SOD2: variants seen among roughly 807,000 people sequenced by gnomAD.
SOD2 encodes the protein superoxide dismutase 2.
Under a neutral mutation model 27.0 loss-of-function variants are expected in SOD2, and 11 were observed. That is an observed-to-expected ratio of 0.41 (90% CI 0.26 to 0.67). The LOEUF is 0.67. Ranked by LOEUF, SOD2 falls within the 30% of genes least tolerant of loss-of-function variation. The probability of loss-of-function intolerance (pLI) is 0.34; values close to 1 mark genes in which losing one functional copy is unlikely to be tolerated. For synonymous variants in SOD2, 105 were observed against 103.0 expected (o/e 1.02, Z -0.12); for missense variants, 250 against 274.5 (o/e 0.91, Z 0.63).
At chr6:159,702,393 T>C (rs9295109) in intron 1 of SOD2, among the ~76,000 whole-genome samples, 47,866 of 150,772 alleles carry the variant, frequency 0.32, 7,570 homozygotes, top group East Asian at 0.4. Flanking sequence ...GCCTCCCAGG[T>C]TGAAGTGATT....
upstream of SOD2, among the ~76,000 whole-genome samples, chr6:159,697,077 A>ACACC (rs974599812): frequency 1.3e-5 from 2 of 149,528 alleles, no homozygotes; most frequent in African/African-American, 5.0e-5. Context: ...ACACACACAC[A>ACACC]CACGCAGTCA....
intron 3 of SOD2, among the ~76,000 whole-genome samples, chr6:159,687,433 C>T (rs548143053): frequency 3.3e-5 from 5 of 151,734 alleles, no homozygotes; most frequent in East Asian, 1.9e-4. Flanking sequence ...TGCAATGAGC[C>T]GACATTGCAC....
intron 1 of SOD2, among the ~76,000 whole-genome samples, chr6:159,723,548 T>C (rs1283767279): frequency 1.3e-5 from 2 of 152,144 alleles, no homozygotes; most frequent in Non-Finnish European, 2.9e-5. Context: ...TAGTGGGAAA[T>C]GGAATTTAGA....
chr6:159,762,226 G>C, exon 1 of SOD2: 11 of 1,479,874 alleles, frequency 7.4e-6, no homozygotes, highest in Non-Finnish European at 9.1e-6. Context: ...GTGTAGGAGA[G>C]GGGCGTATGT....
At chr6:159,683,864 G>A (rs1369731929) in intron 4 of SOD2, among the ~76,000 whole-genome samples, 5 of 152,198 alleles carry the variant, frequency 3.3e-5, no homozygotes, top group Admixed American at 3.3e-4. Context: ...GGTCTATCCT[G>A]TGAAGTGAGC....
upstream of SOD2, among the ~76,000 whole-genome samples, chr6:159,729,286 T>C (rs1218129898): frequency 1.3e-5 from 2 of 152,244 alleles, no homozygotes; most frequent in Non-Finnish European, 2.9e-5. Flanking sequence ...AGACTGAAGA[T>C]AGTATTTTGG....
rs1190220145 is a variant in SOD2, at chr6:159,671,687, C to T, written c.*10806G>A. 5 of 152,204 alleles carry T rather than the reference C, an allele frequency of 3.3e-5. No homozygotes were observed. The highest frequency in any genetic ancestry group is 6.5e-5 in the Admixed American group (1 of 15,278). 9.4% of individuals were successfully genotyped at this position (152,204 alleles called of 1,614,324 possible). ...GAAAATTCTAAAAATCAGAGCGCCTCTCCCCCTCCAAAGGAACATAGCTCC... is the reference window on the plus strand; with the variant it reads ...GAAAATTCTAAAAATCAGAGCGCCTTTCCCCCTCCAAAGGAACATAGCTCC... On this transcript the variant is annotated 3_prime_UTR_variant, in exon 5 of 5. Transcript: ENST00000538183.
intron 1 of SOD2, among the ~76,000 whole-genome samples, chr6:159,704,829 C>T (rs1454419265): frequency 2.0e-5 from 3 of 152,204 alleles, no homozygotes; most frequent in South Asian, 2.1e-4. Flanking sequence ...ACCACGTCCT[C>T]GAGTGGGTCC....
At chr6:159,729,784 C>T (rs149108088), upstream of SOD2, among the ~76,000 whole-genome samples, 41 of 152,294 alleles carry the variant, frequency 2.7e-4, no homozygotes, top group East Asian at 7.5e-3. Flanking sequence ...TGGTGTCTTA[C>T]ATTCAGCTAT....
At chr6:159,748,672 T>A (rs566921107), upstream of SOD2, 1 of 1,247,266 alleles carries the variant, frequency 8.0e-7, no homozygotes, top group African/African-American at 1.5e-5. The surrounding 1 kb of genome is among the most constrained non-coding windows in gnomAD (Gnocchi z 5.6). Context: ...ACTTGAGAAA[T>A]GTTTCTGTTT....
exon 1 of SOD2, chr6:159,761,481 G>A (rs1048788779): frequency 1.1e-5 from 5 of 454,652 alleles, no homozygotes; most frequent in Admixed American, 4.8e-5. Context: ...GACGCTCCTA[G>A]CAAGCCCCTC....
Position 159,702,654 on chromosome 6 carries a change from CAAAAAA to C in SOD2, c.-115-9797_-115-9792del, listed in dbSNP as rs750073120. Among the ~76,000 whole-genome samples, 176 of 39,842 alleles carry C rather than the reference CAAAAAA, an allele frequency of 4.4e-3. 1 individual carries two copies. Among genetic ancestry groups the C allele is most frequent in the African/African-American group, 0.012 (150 of 12,756 alleles). The allele number at this position is 39,842 out of a possible 152,430, so 26.1% of individuals were successfully genotyped here. A position where few individuals can be genotyped will look rare whatever the true frequency, so the allele number is the denominator to read the frequency against. ...GCAATACAGGGAAGCTCTATCTCTC[CAAAAAA>C]AAAAAAAAAAAAAAAAAAAGAAAGA... is the stretch of plus-strand genomic sequence containing the variant. On this transcript the variant is annotated intron_variant, in intron 1 of 2. Coordinates refer to the SOD2 transcript ENST00000401980.
upstream of SOD2, among the ~76,000 whole-genome samples, chr6:159,727,974 C>A (rs905292846): frequency 1.3e-5 from 2 of 152,258 alleles, no homozygotes; most frequent in Non-Finnish European, 2.9e-5. Flanking sequence ...CTCACGGAGG[C>A]CGGAGGATGC....
At chr6:159,686,152 A>C (rs933425712) in intron 3 of SOD2, among the ~76,000 whole-genome samples, 1 of 152,230 alleles carries the variant, frequency 6.6e-6, no homozygotes, top group Non-Finnish European at 1.5e-5. Flanking sequence ...AACTAAATCA[A>C]CTGGGTCAAA....
At chr6:159,727,589 G>C, upstream of SOD2, 1 of 986,932 alleles carries the variant, frequency 1.0e-6, no homozygotes, top group Middle Eastern at 5.2e-4. Context: ...GCGCGGCGGG[G>C]CCGGCGGCAG....
chr6:159,695,564 C>G (rs923314991), upstream of SOD2, among the ~76,000 whole-genome samples: 1 of 152,268 alleles, frequency 6.6e-6, no homozygotes, highest in East Asian at 1.9e-4. Context: ...GCGGCGTGAT[C>G]ACGGCTGATT....
At chr6:159,726,900 C>T (rs1288607208) in intron 1 of SOD2, 3 of 1,288,968 alleles carry the variant, frequency 2.3e-6, no homozygotes, top group South Asian at 1.2e-5. Flanking sequence ...CGCCCACGGC[C>T]TCTCTCTTGA....
upstream of SOD2, among the ~76,000 whole-genome samples, chr6:159,729,721 A>T (rs2114864742): frequency 6.6e-6 from 1 of 152,354 alleles, no homozygotes; most frequent in East Asian, 1.9e-4. Flanking sequence ...GGATAAGGAA[A>T]AGATGGCCTT....
At chr6:159,722,616 C>G (rs1778063374) in intron 1 of SOD2, among the ~76,000 whole-genome samples, 1 of 152,118 alleles carries the variant, frequency 6.6e-6, no homozygotes, top group Non-Finnish European at 1.5e-5. Context: ...AATTTGCCCC[C>G]TGGGAGATCC....
Sources: allele counts gnomAD v4.1 joint callset (sites outside exome capture counted in the v4.1 genomes callset), GRCh38; gene constraint gnomAD v4.1.1; non-coding constraint Gnocchi (gnomAD v3.1); transcripts MANE v1.5; gene names NCBI Gene and HGNC (gene_info 2026-07-23, HGNC 2026-07-21).